FOLH1: variants seen among roughly 807,000 people sequenced by gnomAD.
FOLH1 encodes glutamate carboxypeptidase 2.
Under a neutral mutation model 93.9 loss-of-function variants are expected in FOLH1, and 54 were observed. The observed-to-expected ratio is 0.57, with a 90% CI of 0.46 to 0.72. The LOEUF (loss-of-function observed/expected upper bound fraction) is 0.72. FOLH1 is among the 30% of genes least tolerant of loss of function. The pLI is 0.00. For synonymous variants in FOLH1, 249 were observed against 303.6 expected (o/e 0.82, Z 1.87); for missense variants, 571 against 892.5 (o/e 0.64, Z 4.59).
chr11:49,191,010 T>C (rs1861964397), intron 4 of FOLH1, among the ~76,000 whole-genome samples: 1 of 152,208 alleles, frequency 6.6e-6, no homozygotes, highest in East Asian at 1.9e-4. Flanking sequence ...AGTGAAAAGA[T>C]TATGTATACA....
chr11:49,205,327 G>A (rs1454264085), intron 2 of FOLH1, among the ~76,000 whole-genome samples: 10 of 151,734 alleles, frequency 6.6e-5, no homozygotes, highest in Non-Finnish European at 8.8e-5. Flanking sequence ...TATCTCTTTC[G>A]TCCTACACTG....
At chr11:49,185,516 G>A (rs1251004781) in intron 6 of FOLH1, 153 bp downstream of exon 6, 11 of 1,027,948 alleles carry the variant, frequency 1.1e-5, no homozygotes, top group Non-Finnish European at 1.5e-5. Flanking sequence ...TAAGGGGCCT[G>A]AACCAATCAC....
intron 7 of FOLH1, among the ~76,000 whole-genome samples, chr11:49,181,761 C>T (rs924023750): frequency 6.6e-6 from 1 of 152,032 alleles, no homozygotes; most frequent in Non-Finnish European, 1.5e-5. Flanking sequence ...GAATCTTAAC[C>T]AATGCAGTAA....
intron 12 of FOLH1, among the ~76,000 whole-genome samples, chr11:49,165,650 G>T (rs979686126): frequency 6.6e-6 from 1 of 152,180 alleles, no homozygotes; most frequent in Non-Finnish European, 1.5e-5. Flanking sequence ...GCAGCTAAAG[G>T]CATAGCCTGT....
intron 17 of FOLH1, among the ~76,000 whole-genome samples, chr11:49,149,589 C>A (rs1856243675): frequency 6.6e-6 from 1 of 152,022 alleles, no homozygotes; most frequent in African/African-American, 2.4e-5. Context: ...TTCTATAATT[C>A]TCTTACTTTA....
chr11:49,167,170 CT>C lies in FOLH1; in HGVS notation c.1372+2024del, dbSNP rs573839166. On this transcript the variant is annotated intron_variant, in intron 12 of 18. Transcript: ENST00000256999. ...ATATATATACATGTATATATTTCACCTTATGTGTTTTAAGTAGGTGTAATGA... is the reference window on the plus strand; with the variant it reads ...ATATATATACATGTATATATTTCACCTATGTGTTTTAAGTAGGTGTAATGA... 2.2e-4 allele frequency among the ~76,000 whole-genome samples: 33 copies of C among 152,064 alleles called. No individual in the cohort carries two copies. The South Asian group carries it at 5.6e-3, about 26-fold the overall frequency.
chr11:49,175,112 A>G, intron 8 of FOLH1, 135 bp from the exon 9 acceptor site: 1 of 787,116 alleles, frequency 1.3e-6, no homozygotes, highest in Non-Finnish European at 2.0e-6. Flanking sequence ...GATTAACAGG[A>G]GAAAAGGCAT....
chr11:49,146,029 A>C lies in FOLH1; in HGVS notation c.*727T>G, dbSNP rs986181650. Among the ~76,000 whole-genome samples, 1 of 152,196 alleles carries C rather than the reference A, an allele frequency of 6.6e-6. No individual in the cohort carries two copies. The highest frequency in any genetic ancestry group is 2.4e-5 in the African/African-American group (1 of 41,454). ...TACATAATGCCAAAACATGTAAAGG[A>C]TACAGCCATGTGTGATAAAATTATA... On this transcript the variant is annotated 3_prime_UTR_variant, in exon 19 of 19. Coordinates refer to ENST00000256999, the MANE Select transcript of FOLH1 (RefSeq NM_004476.3).
chr11:49,181,107 ATTT>A (rs35889777), intron 7 of FOLH1, among the ~76,000 whole-genome samples: 8 of 133,286 alleles, frequency 6.0e-5, no homozygotes, highest in Non-Finnish European at 8.2e-5. Flanking sequence ...CATGTTTTAA[ATTT>A]TTTTTTTTTT....
chr11:49,168,021 A>C (rs1195950154), intron 12 of FOLH1, among the ~76,000 whole-genome samples: 1 of 148,590 alleles, frequency 6.7e-6, no homozygotes, highest in South Asian at 2.1e-4. Flanking sequence ...ATTCTAAAAA[A>C]TTCCCCCTTC....
chr11:49,199,744 C>T (rs1196597650), intron 3 of FOLH1, among the ~76,000 whole-genome samples: 1 of 152,090 alleles, frequency 6.6e-6, no homozygotes, highest in Non-Finnish European at 1.5e-5. Context: ...AACCCTGTCT[C>T]TATTAAAAAT....
In FOLH1 at chr11:49,200,228, T is replaced by C. The variant is rs565277046; in HGVS notation, c.411+27A>G. On this transcript the variant is annotated intron_variant, in intron 3 of 18. Transcript: ENST00000256999. ...AAAAAGAATAAATGGGGGGAATGTT[T>C]CTTTTATTTATTTATTTATTTTTTA... is the stretch of plus-strand genomic sequence containing the variant. The C allele has an allele frequency of 1.2e-3, 1,741 of 1,459,160 alleles. 10 individuals carry two copies. The highest frequency in any genetic ancestry group is 4.9e-3 in the South Asian group (354 of 72,804). 90.4% of individuals were successfully genotyped at this position (1,459,160 alleles called of 1,614,324 possible).
chr11:49,198,846 C>A (rs1320579242), intron 3 of FOLH1, among the ~76,000 whole-genome samples: 1 of 150,626 alleles, frequency 6.6e-6, no homozygotes, highest in East Asian at 1.9e-4. Context: ...ACTCCTGGCT[C>A]CAGCAATCAT....
intron 12 of FOLH1, among the ~76,000 whole-genome samples, chr11:49,167,123 T>G (rs1858505885): frequency 6.6e-6 from 1 of 152,190 alleles, no homozygotes; most frequent in African/African-American, 2.4e-5. Context: ...GAGTATTTAT[T>G]CTGGGTGGGC....
rs1864233311 is a variant in FOLH1, at chr11:49,208,520, T to A, written c.-111A>T. On this transcript the variant is annotated 5_prime_UTR_variant, in exon 1 of 19. Coordinates refer to ENST00000256999, the MANE Select transcript of FOLH1 (RefSeq NM_004476.3). ...AGTCTCTCTCAATCTCACTAATGCCTCGCTTATCAGCCCTGCAGGCTGGAA... is the reference window on the plus strand; with the variant it reads ...AGTCTCTCTCAATCTCACTAATGCCACGCTTATCAGCCCTGCAGGCTGGAA... The A allele has an allele frequency of 8.6e-6, 6 of 694,218 alleles. No homozygotes were observed. The highest frequency in any genetic ancestry group is 1.4e-5 in the Non-Finnish European group (6 of 416,658). The allele number at this position is 694,218 out of a possible 1,614,324, so 43.0% of individuals were successfully genotyped here.
intron 3 of FOLH1, among the ~76,000 whole-genome samples, chr11:49,198,679 T>C (rs1320313868): frequency 6.6e-6 from 1 of 152,126 alleles, no homozygotes; most frequent in Non-Finnish European, 1.5e-5. Context: ...TGTATAGATA[T>C]GCCACCACTT....
At chr11:49,204,159 T>A (rs916629102) in intron 2 of FOLH1, among the ~76,000 whole-genome samples, 3 of 152,178 alleles carry the variant, frequency 2.0e-5, no homozygotes, top group Non-Finnish European at 4.4e-5. Context: ...AAGAGAAGAA[T>A]CATGGGAAAG....
chr11:49,197,246 A>G (rs561132099), intron 3 of FOLH1, among the ~76,000 whole-genome samples: 26 of 152,348 alleles, frequency 1.7e-4, no homozygotes, highest in Admixed American at 3.3e-4. Flanking sequence ...ATTTTGCAGC[A>G]CCACTATGCC....
intron 9 of FOLH1, among the ~76,000 whole-genome samples, chr11:49,174,589 G>A (rs1312139464): frequency 2.6e-5 from 4 of 151,890 alleles, no homozygotes; most frequent in East Asian, 3.9e-4. Flanking sequence ...CAGAAAACTC[G>A]GAAGAAAACA....
Sources: allele counts gnomAD v4.1 joint callset (sites outside exome capture counted in the v4.1 genomes callset), GRCh38; gene constraint gnomAD v4.1.1; transcripts MANE v1.5; gene names NCBI Gene and HGNC (gene_info 2026-07-23, HGNC 2026-07-21).